The following ZNF536 variants were observed in gnomAD, a reference collection of about 807,000 sequenced individuals.
ZNF536 encodes zinc finger protein 536.
Under a neutral mutation model 84.5 loss-of-function variants are expected in ZNF536, and 13 were observed. The observed-to-expected ratio is 0.15, with a 90% CI of 0.10 to 0.24. The LOEUF (loss-of-function observed/expected upper bound fraction) is 0.24. Among genes scored for constraint, ZNF536 ranks in the 10% least tolerant of loss-of-function variants. The pLI is 1.00. For missense variants in ZNF536, 1,536 were observed against 1,747.5 expected (o/e 0.88, Z 2.16); for synonymous variants, 811 against 742.5 (o/e 1.09, Z -1.50).
chr19:30,354,485 G>T (rs2048031682), intron 3 of ZNF536, among the ~76,000 whole-genome samples: 1 of 152,058 alleles, frequency 6.6e-6, no homozygotes, highest in Non-Finnish European at 1.5e-5. Context: ...CTCCCTCCTT[G>T]GCGTCCCAAC....
chr19:30,536,965 C>G (rs1233478733), intron 3 of ZNF536, among the ~76,000 whole-genome samples: 1 of 152,214 alleles, frequency 6.6e-6, no homozygotes, highest in Non-Finnish European at 1.5e-5. Flanking sequence ...CCCCCCGCCC[C>G]ACCAGGACTT....
chr19:30,357,696 C>T (rs189968140), intron 3 of ZNF536, among the ~76,000 whole-genome samples: 49 of 152,248 alleles, frequency 3.2e-4, no homozygotes, highest in Non-Finnish European at 5.7e-4. Context: ...GGCCCGGTAG[C>T]TCCTCAGGCC....
intron 1 of ZNF536, among the ~76,000 whole-genome samples, chr19:30,432,176 G>A (rs912324509): frequency 6.6e-6 from 1 of 152,084 alleles, no homozygotes; most frequent in Non-Finnish European, 1.5e-5. Context: ...TGGGTGAAAT[G>A]GGAGCCCTGC....
At chr19:30,264,395 CTGTG>C (rs66665013) in intron 1 of ZNF536, among the ~76,000 whole-genome samples, 36,316 of 124,332 alleles carry the variant, frequency 0.29, 5,215 homozygotes, top group East Asian at 0.5. Context: ...AGTTGTGCCT[CTGTG>C]TGTGTGTGTG....
intron 1 of ZNF536, among the ~76,000 whole-genome samples, chr19:30,633,446 T>C (rs1277662532): frequency 6.6e-6 from 1 of 152,222 alleles, no homozygotes; most frequent in Non-Finnish European, 1.5e-5. Flanking sequence ...TCTGGTAATA[T>C]TGAAATGTAA....
intron 2 of ZNF536, among the ~76,000 whole-genome samples, chr19:30,485,155 T>A (rs1235238337): frequency 1.3e-5 from 2 of 149,364 alleles, no homozygotes; most frequent in Non-Finnish European, 2.9e-5. Context: ...AAAACATAAA[T>A]AAATAAATAA....
chr19:30,673,200 C>T lies in ZNF536; in HGVS notation c.170-37557C>T, dbSNP rs1052237612. Among the ~76,000 whole-genome samples, 5 of 152,298 alleles carry T rather than the reference C, an allele frequency of 3.3e-5. No homozygotes were observed. In the East Asian group the frequency reaches 9.7e-4, roughly 29 times the overall value. On this transcript the variant is annotated intron_variant, in intron 1 of 1. Transcript: ENST00000592773. ...CCGCCTAGGACCCTTCCAGGGTGAT[C>T]TGTATGATCTGTGTGACCTATGAGA...
chr19:30,576,136 G>C (rs2046726828), intron 1 of ZNF536, among the ~76,000 whole-genome samples: 1 of 152,164 alleles, frequency 6.6e-6, no homozygotes, highest in South Asian at 2.1e-4. Flanking sequence ...CTCTGACCCT[G>C]GCTTTTCCAC....
intron 2 of ZNF536, among the ~76,000 whole-genome samples, chr19:30,284,415 T>TATC (rs1432379315): frequency 6.6e-6 from 1 of 152,198 alleles, no homozygotes; most frequent in East Asian, 1.9e-4. Context: ...CCTGAGTCCC[T>TATC]ATCTGCCAGC....
intron 1 of ZNF536, among the ~76,000 whole-genome samples, chr19:30,283,505 T>C (rs904172768): frequency 4.6e-5 from 7 of 152,152 alleles, no homozygotes; most frequent in African/African-American, 1.2e-4. Flanking sequence ...CTGGTCTGGG[T>C]TCGGGAGAGA....
chr19:30,523,525 T>G (rs1157139471), intron 2 of ZNF536, among the ~76,000 whole-genome samples: 5 of 152,202 alleles, frequency 3.3e-5, no homozygotes, highest in Non-Finnish European at 4.4e-5. Context: ...CTTCTGAACC[T>G]GTCTGTCAGA....
In ZNF536 at chr19:30,549,304, C is replaced by A. The variant is rs1333097719; in HGVS notation, c.3685C>A (p.Pro1229Thr). The part of the protein sequence containing the change: ...QGLVSPLSQA[P>T]EKQWHSQGLL... ...ACTGGTCTCACCTTTATCCCAAGCACCGGAGAAGCAGTGGCACAGCCAGGG... is the reference window on the plus strand; with the variant it reads ...ACTGGTCTCACCTTTATCCCAAGCAACGGAGAAGCAGTGGCACAGCCAGGG... The change falls in exon 4 of 5, where the codon CCG becomes ACG. Residue 1229 changes from proline to threonine, a missense_variant. Physicochemically the swap from Pro to Thr is conservative, Grantham distance 38. Coordinates refer to ENST00000355537, the MANE Select transcript of ZNF536 (RefSeq NM_014717.3). 1 of 1,612,832 alleles carries A rather than the reference C, an allele frequency of 6.2e-7. No homozygotes were observed. Among genetic ancestry groups the A allele is most frequent in the Non-Finnish European group, 8.5e-7 (1 of 1,179,486 alleles).
intron 1 of ZNF536, among the ~76,000 whole-genome samples, chr19:30,272,972 G>A (rs1320323473): frequency 6.6e-6 from 1 of 152,112 alleles, no homozygotes; most frequent in Non-Finnish European, 1.5e-5. Flanking sequence ...GAGTGCAGCA[G>A]CACAATCATA....
intron 1 of ZNF536, among the ~76,000 whole-genome samples, chr19:30,673,252 A>T (rs1394218541): frequency 6.6e-6 from 1 of 152,200 alleles, no homozygotes; most frequent in Non-Finnish European, 1.5e-5. Context: ...ATCTGAGCAG[A>T]AGCCAAGCAC....
At chr19:30,431,805 G>A (rs74962725) in intron 1 of ZNF536, among the ~76,000 whole-genome samples, 3,179 of 152,214 alleles carry the variant, frequency 0.021, 55 homozygotes, top group East Asian at 0.078. Context: ...TGTGCGCTGA[G>A]GCTGGTGCCA....
At chr19:30,677,397 T>C (rs141724543) in intron 1 of ZNF536, among the ~76,000 whole-genome samples, 215 of 152,350 alleles carry the variant, frequency 1.4e-3, no homozygotes, top group African/African-American at 4.7e-3. Context: ...CTCCTGGCTA[T>C]TGATGCATCT....
chr19:30,297,494 G>T (rs1039521132), intron 2 of ZNF536, among the ~76,000 whole-genome samples: 1 of 152,144 alleles, frequency 6.6e-6, no homozygotes, highest in Non-Finnish European at 1.5e-5. Context: ...GAATGGAGCT[G>T]CATTTTGAAA....
At chr19:30,647,936 C>T (rs1229921366) in intron 1 of ZNF536, among the ~76,000 whole-genome samples, 1 of 152,186 alleles carries the variant, frequency 6.6e-6, no homozygotes, top group Admixed American at 6.5e-5. Flanking sequence ...TGAAGTTTCC[C>T]ACGTGTCGCT....
intron 1 of ZNF536, among the ~76,000 whole-genome samples, chr19:30,643,409 C>T (rs1399346815): frequency 1.3e-5 from 2 of 152,176 alleles, no homozygotes; most frequent in Non-Finnish European, 2.9e-5. Context: ...CTTGGTGGAA[C>T]ATTTATACAA....
Sources: gnomAD v4.1 joint callset for allele counts (sites outside exome capture counted in the v4.1 genomes callset) on GRCh38, gnomAD v4.1.1 for gene constraint, MANE v1.5 for transcripts, NCBI Gene and HGNC (gene_info 2026-07-23, HGNC 2026-07-21) for gene names.